Variants in RGL1 observed in about 807,000 individuals in gnomAD.
RGL1 encodes the protein ral guanine nucleotide dissociation stimulator-like 1.
Under a neutral mutation model 95.2 loss-of-function variants are expected in RGL1, and 24 were observed. The observed-to-expected ratio is 0.25, with a 90% CI of 0.18 to 0.35. The LOEUF (loss-of-function observed/expected upper bound fraction) is 0.35. Among genes scored for constraint, RGL1 ranks in the 10% least tolerant of loss-of-function variants. The probability of loss-of-function intolerance (pLI) is 1.00; values close to 1 mark genes in which losing one functional copy is unlikely to be tolerated. For synonymous variants in RGL1, 329 were observed against 344.9 expected (o/e 0.95, Z 0.51); for missense variants, 715 against 936.3 (o/e 0.76, Z 3.08).
At chr1:183,674,107 C>A (rs557897542) in intron 1 of RGL1, among the ~76,000 whole-genome samples, 13 of 152,284 alleles carry the variant, frequency 8.5e-5, no homozygotes, top group African/African-American at 2.9e-4. Flanking sequence ...AAAGGACTCG[C>A]TTTCCCTGAT....
chr1:183,651,699 T>C (rs1650765737), intron 1 of RGL1, among the ~76,000 whole-genome samples: 1 of 152,238 alleles, frequency 6.6e-6, no homozygotes, highest in Non-Finnish European at 1.5e-5. Flanking sequence ...ATTAGCTTTG[T>C]TTTTTCCTTA....
chr1:183,861,061 G>A (rs12145491), intron 3 of RGL1, among the ~76,000 whole-genome samples: 53,951 of 151,870 alleles, frequency 0.36, 10,653 homozygotes, highest in Non-Finnish European at 0.44. Flanking sequence ...AGCCTTCTGG[G>A]CCTCATTTTT....
chr1:183,916,468 T>C lies in RGL1; in HGVS notation c.1771T>C (p.Cys591Arg), dbSNP rs2102743957. 1.9e-6 allele frequency: 3 copies of C among 1,614,192 alleles called. No homozygotes were observed. The highest frequency in any genetic ancestry group is 1.7e-4 in the Middle Eastern group (1 of 6,060). ...CCAGCTCTCTGAGTCCTCCTCATCCTGTTCTTCTATCCATTCCATGGACAC... is the reference window on the plus strand; with the variant it reads ...CCAGCTCTCTGAGTCCTCCTCATCCCGTTCTTCTATCCATTCCATGGACAC... ...QKKLSESSSS[C>R]SSIHSMDTNS... is the part of the protein sequence containing the mutation. Residue 591 changes from cysteine (C) to arginine (R), a missense_variant, in exon 16 of 18, where the codon TGT becomes CGT. By Grantham distance (180) the Cys-to-Arg change is radical. This residue lies in a region of RGL1 where 330 missense variants were observed against 429.6 expected (regional missense o/e 0.77). Coordinates refer to ENST00000360851, the MANE Select transcript of RGL1 (RefSeq NM_001297671.3).
chr1:183,686,352 T>G (rs566530176), intron 1 of RGL1, among the ~76,000 whole-genome samples: 2 of 152,304 alleles, frequency 1.3e-5, no homozygotes, highest in South Asian at 4.1e-4. Flanking sequence ...TATTTTCTCT[T>G]TTCAGTTGGT....
At chr1:183,911,994 C>A in intron 14 of RGL1, 88 bp from the exon 15 acceptor site, 5 of 1,147,972 alleles carry the variant, frequency 4.4e-6, no homozygotes, top group South Asian at 3.0e-5. Flanking sequence ...GAAAAAACAT[C>A]AAGGGCTTAA....
chr1:183,670,102 T>G (rs1001492960), intron 1 of RGL1, among the ~76,000 whole-genome samples: 1 of 152,188 alleles, frequency 6.6e-6, no homozygotes, highest in Non-Finnish European at 1.5e-5. Flanking sequence ...CTTATGCCCC[T>G]GAATTGTGAA....
chr1:183,844,249 G>A (rs1193703574), intron 2 of RGL1, among the ~76,000 whole-genome samples: 1 of 152,112 alleles, frequency 6.6e-6, no homozygotes, highest in Non-Finnish European at 1.5e-5. Context: ...TTAATAAAGA[G>A]ATCAAAGGAA....
intron 9 of RGL1, among the ~76,000 whole-genome samples, chr1:183,893,858 A>G (rs184948016): frequency 7.2e-5 from 11 of 152,274 alleles, no homozygotes; most frequent in African/African-American, 2.6e-4. Context: ...CTAATGCCCA[A>G]CCAGTGCCTG....
chr1:183,833,264 G>A (rs1663387004), intron 2 of RGL1, among the ~76,000 whole-genome samples: 1 of 152,206 alleles, frequency 6.6e-6, no homozygotes, highest in African/African-American at 2.4e-5. Flanking sequence ...CTAAGACTAA[G>A]AGAGGCCAGA....
chr1:183,696,661 G>A (rs1654269534), intron 1 of RGL1, among the ~76,000 whole-genome samples: 1 of 152,092 alleles, frequency 6.6e-6, no homozygotes, highest in Admixed American at 6.6e-5. Context: ...GCAACCTCTT[G>A]TAAATATCTG....
intron 1 of RGL1, among the ~76,000 whole-genome samples, chr1:183,741,685 A>G (rs1024889763): frequency 2.6e-5 from 4 of 152,240 alleles, no homozygotes; most frequent in Non-Finnish European, 5.9e-5. Context: ...ATGGAGCCTC[A>G]TATACACAAG....
At chr1:183,764,241 T>C (rs1013798498) in intron 2 of RGL1, among the ~76,000 whole-genome samples, 17 of 152,198 alleles carry the variant, frequency 1.1e-4, no homozygotes, top group African/African-American at 3.9e-4. Flanking sequence ...GCCAAGGAGA[T>C]GAGAGACCAG....
At chr1:183,656,602 T>G (rs1651184228) in intron 1 of RGL1, among the ~76,000 whole-genome samples, 1 of 152,248 alleles carries the variant, frequency 6.6e-6, no homozygotes, top group Non-Finnish European at 1.5e-5. Flanking sequence ...TTTCCTTTTT[T>G]GTCCACAAAT....
At chr1:183,878,899 A>C (rs1666670005) in intron 4 of RGL1, among the ~76,000 whole-genome samples, 1 of 152,202 alleles carries the variant, frequency 6.6e-6, no homozygotes, top group Non-Finnish European at 1.5e-5. Context: ...TTTCACTGAA[A>C]TATTAAGAAA....
chr1:183,831,947 T>G (rs1339885517), intron 2 of RGL1, among the ~76,000 whole-genome samples: 2 of 152,224 alleles, frequency 1.3e-5, no homozygotes, highest in African/African-American at 4.8e-5. Flanking sequence ...GCATATACAC[T>G]CATTTCTGTT....
chr1:183,690,962 G>A (rs1250240707), intron 1 of RGL1, among the ~76,000 whole-genome samples: 1 of 151,806 alleles, frequency 6.6e-6, no homozygotes, highest in African/African-American at 2.4e-5. Context: ...GCCTAATTGA[G>A]GTTTATGTTG....
At chr1:183,656,034 A>G (rs551502425) in intron 1 of RGL1, among the ~76,000 whole-genome samples, 2 of 152,332 alleles carry the variant, frequency 1.3e-5, no homozygotes, top group Non-Finnish European at 1.5e-5. Flanking sequence ...GGAGTCACTC[A>G]TGCTAAATGT....
chr1:183,827,597 C>T (rs1019736093), intron 2 of RGL1, among the ~76,000 whole-genome samples: 1 of 152,176 alleles, frequency 6.6e-6, no homozygotes, highest in Admixed American at 6.5e-5. Context: ...GCTGTATTTT[C>T]GATTAAGGTA....
At chr1:183,904,702 T>C (rs1312562698) in intron 12 of RGL1, 148 bp from the exon 13 acceptor site, 1 of 773,130 alleles carries the variant, frequency 1.3e-6, no homozygotes, top group Non-Finnish European at 1.9e-6. Context: ...CCTTTATTTT[T>C]AAGGAAGCAG....
Sources: allele counts gnomAD v4.1 joint callset (sites outside exome capture counted in the v4.1 genomes callset), GRCh38; gene constraint gnomAD v4.1.1; regional missense constraint gnomAD v4.1.1; transcripts MANE v1.5; gene names NCBI Gene and HGNC (gene_info 2026-07-23, HGNC 2026-07-21).